SFMBT2: variants seen among roughly 807,000 people sequenced by gnomAD.
The protein encoded by SFMBT2 is Scm like with four mbt domains 2.
In SFMBT2, 38 loss-of-function variants were observed where a neutral mutation model predicts 110.1. The observed-to-expected ratio is 0.35, with a 90% CI of 0.27 to 0.45. The LOEUF (loss-of-function observed/expected upper bound fraction) is 0.45, where lower values mean the gene tolerates loss of function less well. SFMBT2 is among the 20% of genes least tolerant of loss of function. The pLI, the probability that SFMBT2 is intolerant of heterozygous loss-of-function variation, is 1.00. For missense variants in SFMBT2, 1,011 were observed against 1,094.9 expected (o/e 0.92, Z 1.08); for synonymous variants, 425 against 425.4 (o/e 1.00, Z 0.01).
chr10:7,341,221 G>A (rs931338480), intron 4 of SFMBT2, among the ~76,000 whole-genome samples: 2 of 152,192 alleles, frequency 1.3e-5, no homozygotes, highest in African/African-American at 2.4e-5. Flanking sequence ...GAGCGGGAAC[G>A]TTCCTGTTGT....
At chr10:7,309,297 T>C (rs1014631216) in intron 4 of SFMBT2, among the ~76,000 whole-genome samples, 3 of 152,248 alleles carry the variant, frequency 2.0e-5, no homozygotes, top group Non-Finnish European at 2.9e-5. Context: ...TAAACATTTG[T>C]GGACTGACCA....
At chr10:7,261,889 T>TGGCGGAAG (rs1478351112) in intron 7 of SFMBT2, among the ~76,000 whole-genome samples, 3 of 152,236 alleles carry the variant, frequency 2.0e-5, no homozygotes, top group African/African-American at 7.2e-5. Flanking sequence ...GTAGGGTGGC[T>TGGCGGAAG]GGCGGAAGGA....
chr10:7,354,059 C>A (rs1217436125), intron 4 of SFMBT2, among the ~76,000 whole-genome samples: 1 of 150,410 alleles, frequency 6.6e-6, no homozygotes, highest in Non-Finnish European at 1.5e-5. Context: ...TGCACTCCAG[C>A]CTGGGTGACA....
At chr10:7,246,718 CAAAAAAAA>C in intron 8 of SFMBT2, among the ~76,000 whole-genome samples, 1 of 72,158 alleles carries the variant, frequency 1.4e-5, no homozygotes, top group East Asian at 4.4e-4. Context: ...GACTCCATCT[CAAAAAAAA>C]AAAAAAAAAA....
In SFMBT2 at chr10:7,284,062, A is replaced by G; in HGVS notation, c.614T>C (p.Ile205Thr). The G allele has an allele frequency of 1.2e-6, 2 of 1,614,156 alleles. No individual in the cohort carries two copies. The highest frequency in any genetic ancestry group is 1.7e-6 in the Non-Finnish European group (2 of 1,180,024). Residue 205 changes from isoleucine (I) to threonine (T), a missense_variant, in exon 6 of 21, where the codon ATA becomes ACA. Ile to Thr is a moderately conservative substitution (Grantham distance 89, BLOSUM62 -1). Coordinates refer to ENST00000397167, the MANE Select transcript of SFMBT2 (RefSeq NM_001387889.1). ...QDSQNPFQYW[I>T]VSVIENVGGR... ...TCCAACATTTTCAATCACACTAACT[A>G]TCCAGTACTGAAAAGGGTTCTGGGA...
At chr10:7,197,396 C>T (rs1838810108) in intron 15 of SFMBT2, 152 bp downstream of exon 15, 2 of 1,060,622 alleles carry the variant, frequency 1.9e-6, no homozygotes, top group Non-Finnish European at 1.3e-6. Context: ...TTGTGTATCT[C>T]TGGCTTCAGC....
intron 4 of SFMBT2, among the ~76,000 whole-genome samples, chr10:7,345,116 C>T (rs530093729): frequency 5.9e-5 from 9 of 152,096 alleles, no homozygotes; most frequent in South Asian, 2.1e-4. Context: ...CAGGAACCTC[C>T]GTGGAGGGAA....
At chr10:7,358,159 A>T (rs1844581770) in intron 4 of SFMBT2, among the ~76,000 whole-genome samples, 1 of 148,792 alleles carries the variant, frequency 6.7e-6, no homozygotes, top group African/African-American at 2.5e-5. Context: ...GCCCTGGAAC[A>T]TCTGCATGGC....
intron 13 of SFMBT2, among the ~76,000 whole-genome samples, chr10:7,202,005 G>C (rs1215904415): frequency 2.0e-5 from 3 of 152,230 alleles, no homozygotes; most frequent in Non-Finnish European, 2.9e-5. Context: ...GAGGGGCAGA[G>C]AATTAATGCC....
chr10:7,269,539 G>GT (rs1841504746), intron 7 of SFMBT2, among the ~76,000 whole-genome samples: 1 of 152,154 alleles, frequency 6.6e-6, no homozygotes, highest in Non-Finnish European at 1.5e-5. Flanking sequence ...CTTCTGTCTC[G>GT]TAACAGCTGA....
chr10:7,269,765 T>C, intron 7 of SFMBT2, among the ~76,000 whole-genome samples: 1 of 149,904 alleles, frequency 6.7e-6, no homozygotes, highest in Non-Finnish European at 1.5e-5. Flanking sequence ...TGTGTCTCTT[T>C]TTGGATCCTG....
intron 7 of SFMBT2, among the ~76,000 whole-genome samples, chr10:7,260,763 AATCATCCTGGCC>A (rs1283850021): frequency 6.6e-6 from 1 of 152,176 alleles, no homozygotes; most frequent in Non-Finnish European, 1.5e-5. Flanking sequence ...ACAATAAAAA[AATCATCCTGGCC>A]AAAATCCCAG....
intron 15 of SFMBT2, among the ~76,000 whole-genome samples, chr10:7,197,207 T>A (rs1283818666): frequency 6.6e-6 from 1 of 152,120 alleles, no homozygotes; most frequent in Non-Finnish European, 1.5e-5. Context: ...CTGGTTTACC[T>A]CTTTGGAAAC....
At chr10:7,378,863 T>C (rs957625338) in intron 2 of SFMBT2, among the ~76,000 whole-genome samples, 6 of 151,872 alleles carry the variant, frequency 4.0e-5, no homozygotes, top group African/African-American at 1.2e-4. Flanking sequence ...TGTTGGGATT[T>C]CCTGATGACT....
intron 20 of SFMBT2, among the ~76,000 whole-genome samples, chr10:7,166,578 C>A (rs1325022243): frequency 1.3e-5 from 2 of 152,226 alleles, no homozygotes; most frequent in African/African-American, 2.4e-5. Flanking sequence ...AAGGTTCCCT[C>A]TCTGGACATC....
intron 9 of SFMBT2, among the ~76,000 whole-genome samples, chr10:7,228,964 G>A (rs1049012028): frequency 2.6e-5 from 4 of 152,012 alleles, no homozygotes; most frequent in Admixed American, 6.5e-5. Context: ...GAGTCTCATC[G>A]GCACAAAATC....
intron 4 of SFMBT2, among the ~76,000 whole-genome samples, chr10:7,319,909 A>C (rs1434783737): frequency 7.0e-6 from 1 of 142,444 alleles, no homozygotes; most frequent in Non-Finnish European, 1.6e-5. Flanking sequence ...AGAGAGACTA[A>C]GAGAGAGAGA....
intron 20 of SFMBT2, among the ~76,000 whole-genome samples, chr10:7,168,480 G>C (rs1837765039): frequency 6.6e-6 from 1 of 152,212 alleles, no homozygotes. Context: ...TTAGCTATCA[G>C]AAGGCACCTC....
intron 1 of SFMBT2, among the ~76,000 whole-genome samples, chr10:7,402,395 G>A (rs1252655978): frequency 6.6e-6 from 1 of 152,124 alleles, no homozygotes; most frequent in Non-Finnish European, 1.5e-5. Context: ...ATCAAATATA[G>A]AGGAGGGTGA....
Sources: allele counts gnomAD v4.1 joint callset (sites outside exome capture counted in the v4.1 genomes callset), GRCh38; gene constraint gnomAD v4.1.1; transcripts MANE v1.5; gene names NCBI Gene and HGNC (gene_info 2026-07-23, HGNC 2026-07-21).